EVI5: variants seen among roughly 807,000 people sequenced by gnomAD.
EVI5 encodes the protein ecotropic viral integration site 5, also known as ecotropic viral integration site 5 protein homolog.
A neutral mutation model predicts 112.0 loss-of-function variants in EVI5; 73 were observed. The ratio of observed to expected loss-of-function variants is 0.65; its 90% CI spans 0.54 to 0.79. EVI5 has a LOEUF of 0.79. Among genes scored for constraint, EVI5 ranks in the 30% least tolerant of loss-of-function variants. The pLI, the probability that EVI5 is intolerant of heterozygous loss-of-function variation, is 0.00. For missense variants in EVI5, 900 were observed against 968.8 expected (o/e 0.93, Z 0.94); for synonymous variants, 305 against 319.9 (o/e 0.95, Z 0.50).
At chr1:92,548,727 G>A (rs143857236) in intron 19 of EVI5, among the ~76,000 whole-genome samples, 2,229 of 152,292 alleles carry the variant, frequency 0.015, 71 homozygotes, top group African/African-American at 0.05. Context: ...GCCAAATCAT[G>A]AGTGAACTCC....
chr1:92,522,907 T>G (rs1379177653), intron 19 of EVI5, among the ~76,000 whole-genome samples: 1 of 151,712 alleles, frequency 6.6e-6, no homozygotes, highest in Non-Finnish European at 1.5e-5. Context: ...ACAGGAACAC[T>G]CCACCACACT....
chr1:92,684,410 C>T (rs1306985204), intron 9 of EVI5, among the ~76,000 whole-genome samples: 1 of 152,162 alleles, frequency 6.6e-6, no homozygotes, highest in Admixed American at 6.5e-5. Flanking sequence ...AAGCACTAAA[C>T]ATGGAAAAGA....
At chr1:92,608,542 A>C (rs374510828) in intron 16 of EVI5, among the ~76,000 whole-genome samples, 26 of 152,042 alleles carry the variant, frequency 1.7e-4, no homozygotes, top group African/African-American at 7.3e-5. Flanking sequence ...CGTATCTACT[A>C]AAAATACAAA....
At chr1:92,538,248 G>T (rs139209754) in intron 19 of EVI5, among the ~76,000 whole-genome samples, 190 of 152,306 alleles carry the variant, frequency 1.2e-3, no homozygotes, top group Non-Finnish European at 1.9e-3. Flanking sequence ...GGTCAACGCT[G>T]ATGAGGCTAC....
chr1:92,761,234 G>A (rs1229320595), intron 1 of EVI5, among the ~76,000 whole-genome samples: 2 of 152,062 alleles, frequency 1.3e-5, no homozygotes, highest in East Asian at 1.9e-4. Context: ...AAATTGGCAG[G>A]TAGGTGAATG....
intron 19 of EVI5, among the ~76,000 whole-genome samples, chr1:92,553,456 C>A (rs1356414858): frequency 6.6e-6 from 1 of 152,048 alleles, no homozygotes; most frequent in African/African-American, 2.4e-5. Context: ...GCGTGCACCA[C>A]CACGCCCGGC....
Position 92,738,434 on chromosome 1 carries a change from C to T in EVI5, c.-81-1807G>A, listed in dbSNP as rs1379253002. On this transcript the variant is annotated intron_variant, in intron 1 of 19. Coordinates refer to ENST00000684568, the MANE Select transcript of EVI5 (RefSeq NM_001350197.2). ...TTACCAATAATTTCAAATATACTTA[C>T]AATTTTCAATAATTAATGCTTTACA... 2.0e-5 allele frequency among the ~76,000 whole-genome samples: 3 copies of T among 152,246 alleles called. No individual in the cohort carries two copies. In the East Asian group the frequency reaches 5.8e-4, roughly 29 times the overall value.
chr1:92,708,021 T>A (rs1261818787), intron 2 of EVI5, among the ~76,000 whole-genome samples: 1 of 152,140 alleles, frequency 6.6e-6, no homozygotes, highest in East Asian at 1.9e-4. Context: ...TATGATTCCA[T>A]CTATATAAAG....
chr1:92,561,595 CTATCTAATCTATCCTAT>C (rs1668573716), intron 19 of EVI5, among the ~76,000 whole-genome samples: 2 of 148,866 alleles, frequency 1.3e-5, no homozygotes, highest in Non-Finnish European at 3.0e-5. Flanking sequence ...ATCTATCTAT[CTATCTAATCTATCCTAT>C]CTATCTATCT....
chr1:92,703,932 C>CAAAAAAAAAAAAAA (rs57830016), intron 3 of EVI5: 3 of 82,000 alleles, frequency 3.7e-5, no homozygotes, highest in East Asian at 3.5e-4. Flanking sequence ...CTGTTGAAGG[C>CAAAAAAAAAAAAAA]AAAAAAAAAA....
At chr1:92,779,313 A>C (rs557691426) in intron 1 of EVI5, among the ~76,000 whole-genome samples, 15 of 152,316 alleles carry the variant, frequency 9.8e-5, no homozygotes, top group African/African-American at 3.6e-4. Flanking sequence ...ACCTGAGGTA[A>C]GGAGTTCAAG....
chr1:92,678,375 A>G (rs1667076394), intron 9 of EVI5, among the ~76,000 whole-genome samples: 1 of 152,078 alleles, frequency 6.6e-6, no homozygotes, highest in Non-Finnish European at 1.5e-5. Context: ...TACAAAAAAT[A>G]CAAAAATTAG....
chr1:92,593,879 C>T (rs920505379), intron 18 of EVI5, among the ~76,000 whole-genome samples: 11 of 152,164 alleles, frequency 7.2e-5, no homozygotes, highest in African/African-American at 2.7e-4. Context: ...TGAAGGACCT[C>T]TTCAAGGAGA....
chr1:92,761,513 GC>G (rs1311951324), intron 1 of EVI5, among the ~76,000 whole-genome samples: 1 of 152,094 alleles, frequency 6.6e-6, no homozygotes, highest in Non-Finnish European at 1.5e-5. Context: ...ATTTGTATCT[GC>G]ATACATCGTT....
chr1:92,635,261 A>G (rs1211511679), intron 14 of EVI5, among the ~76,000 whole-genome samples: 1 of 152,164 alleles, frequency 6.6e-6, no homozygotes, highest in Non-Finnish European at 1.5e-5. Context: ...TTGATTCGCT[A>G]TGCCCTGCCC....
chr1:92,718,882 G>T (rs1674250672), intron 2 of EVI5, among the ~76,000 whole-genome samples: 1 of 152,082 alleles, frequency 6.6e-6, no homozygotes, highest in Non-Finnish European at 1.5e-5. Flanking sequence ...CGATCCCACA[G>T]AAATACAAAC....
chr1:92,604,515 A>G (rs1649922678), intron 18 of EVI5, among the ~76,000 whole-genome samples: 1 of 152,202 alleles, frequency 6.6e-6, no homozygotes, highest in Non-Finnish European at 1.5e-5. Flanking sequence ...ATCTCCTATG[A>G]AAACAATGCC....
chr1:92,673,139 A>G (rs1288040046), intron 10 of EVI5, among the ~76,000 whole-genome samples: 2 of 149,698 alleles, frequency 1.3e-5, no homozygotes, highest in African/African-American at 2.5e-5. Context: ...AATACTTCAC[A>G]TTGATTGTTA....
At chr1:92,664,426 C>T (rs984393489) in intron 11 of EVI5, among the ~76,000 whole-genome samples, 9 of 148,500 alleles carry the variant, frequency 6.1e-5, no homozygotes, top group South Asian at 2.1e-4. Context: ...ATTCTCATTC[C>T]GAAGGTTCAA....
Sources: allele counts gnomAD v4.1 joint callset (sites outside exome capture counted in the v4.1 genomes callset), GRCh38; gene constraint gnomAD v4.1.1; transcripts MANE v1.5; gene names NCBI Gene and HGNC (gene_info 2026-07-23, HGNC 2026-07-21).